DPH6: variants seen among roughly 807,000 people sequenced by gnomAD.
DPH6 encodes the protein diphthamine biosynthesis 6.
Under a neutral mutation model 38.2 loss-of-function variants are expected in DPH6, and 33 were observed. The ratio of observed to expected loss-of-function variants is 0.86; its 90% CI spans 0.65 to 1.15. The LOEUF (loss-of-function observed/expected upper bound fraction) is 1.15, where lower values mean the gene tolerates loss of function less well. Ranked by LOEUF, DPH6 falls within the 50% of genes most tolerant of loss-of-function variation. The pLI, the probability that DPH6 is intolerant of heterozygous loss-of-function variation, is 0.00. For missense variants in DPH6, 325 were observed against 320.0 expected (o/e 1.02, Z -0.12); for synonymous variants, 108 against 103.0 (o/e 1.05, Z -0.30).
At chr15:35,203,440 T>C in the DPH6 span, among the ~76,000 whole-genome samples, 5 of 151,834 alleles carry the variant, frequency 3.3e-5, no homozygotes, top group South Asian at 2.1e-4. Context: ...CCACGTTAAA[T>C]ATTCTCATTA....
chr15:35,207,475 T>C, the DPH6 span, among the ~76,000 whole-genome samples: 1 of 152,120 alleles, frequency 6.6e-6, no homozygotes, highest in African/African-American at 2.4e-5. Flanking sequence ...CTGGAAAGAG[T>C]ATAATGGCTT....
intron 7 of DPH6, among the ~76,000 whole-genome samples, chr15:35,376,208 C>T (rs897423481): frequency 6.6e-6 from 1 of 152,064 alleles, no homozygotes; most frequent in Non-Finnish European, 1.5e-5. Context: ...TCTACCCCAC[C>T]CTGAGCTCTG....
exon 4 of DPH6, chr15:35,219,156 T>C (rs906836767): frequency 6.6e-6 from 1 of 152,196 alleles, no homozygotes; most frequent in Non-Finnish European, 1.5e-5. Flanking sequence ...TAAAGCAGCA[T>C]CCTTTTATGT....
the DPH6 span, among the ~76,000 whole-genome samples, chr15:35,184,197 ACTGTGTTT>A: frequency 1.3e-5 from 2 of 152,210 alleles, no homozygotes; most frequent in African/African-American, 2.4e-5. Flanking sequence ...ATGTTTGTTT[ACTGTGTTT>A]CTGTAGATTC....
At chr15:35,325,011 CA>C (rs36022772) in intron 3 of DPH6, among the ~76,000 whole-genome samples, 1 of 151,986 alleles carries the variant, frequency 6.6e-6, no homozygotes, top group African/African-American at 2.4e-5. Flanking sequence ...TAGCCCAGTG[CA>C]AAAAATCACA....
intron 6 of DPH6, among the ~76,000 whole-genome samples, chr15:35,407,019 G>C (rs1260962990): frequency 1.3e-5 from 2 of 151,992 alleles, no homozygotes; most frequent in Non-Finnish European, 2.9e-5. Flanking sequence ...GAAGTACTCA[G>C]AAAGATTTCA....
At chr15:35,288,939 C>T (rs1224036929) in intron 3 of DPH6, among the ~76,000 whole-genome samples, 1 of 152,112 alleles carries the variant, frequency 6.6e-6, no homozygotes, top group African/African-American at 2.4e-5. Flanking sequence ...AGCTTTTTAA[C>T]AGGAAACTAC....
chr15:35,269,243 T>C (rs1332924049), intron 3 of DPH6, among the ~76,000 whole-genome samples: 2 of 152,216 alleles, frequency 1.3e-5, no homozygotes, highest in Admixed American at 6.5e-5. Context: ...ATTCCTTTTT[T>C]TCTTCTTCAC....
chr15:35,440,548 C>A (rs1705770484), intron 5 of DPH6, among the ~76,000 whole-genome samples: 1 of 152,164 alleles, frequency 6.6e-6, no homozygotes, highest in African/African-American at 2.4e-5. Flanking sequence ...AACAGTACCC[C>A]CTCTGTCAGC....
chr15:35,338,778 A>C (rs1246427040), intron 3 of DPH6, among the ~76,000 whole-genome samples: 3 of 152,232 alleles, frequency 2.0e-5, no homozygotes, highest in Non-Finnish European at 4.4e-5. Flanking sequence ...ACTTGGAACC[A>C]ACTCAAATGT....
chr15:35,497,924 G>A (rs114307770), intron 3 of DPH6, among the ~76,000 whole-genome samples: 3,693 of 152,162 alleles, frequency 0.024, 141 homozygotes, highest in African/African-American at 0.08. Context: ...ATAACAAACC[G>A]AAAGATTCCA....
chr15:35,195,978 G>A, the DPH6 span, among the ~76,000 whole-genome samples: 1 of 152,254 alleles, frequency 6.6e-6, no homozygotes, highest in African/African-American at 2.4e-5. Context: ...GCTGGTTGGA[G>A]GGTCACAGAT....
intron 3 of DPH6, among the ~76,000 whole-genome samples, chr15:35,305,003 C>A (rs2052078517): frequency 1.3e-5 from 2 of 152,090 alleles, no homozygotes. Context: ...ATTGTTTTCA[C>A]ATCTTCACAT....
intron 3 of DPH6, among the ~76,000 whole-genome samples, chr15:35,472,929 T>G (rs945155105): frequency 6.7e-6 from 1 of 149,224 alleles, no homozygotes; most frequent in Non-Finnish European, 1.5e-5. Flanking sequence ...AAAGATGTAG[T>G]AAATACATCA....
intron 1 of DPH6, among the ~76,000 whole-genome samples, chr15:35,545,117 A>T (rs2055325496): frequency 6.6e-6 from 1 of 152,244 alleles, no homozygotes; most frequent in Non-Finnish European, 1.5e-5. Flanking sequence ...AGTATCAATT[A>T]CCTAAGGGAC....
chr15:35,182,528 G>T, the DPH6 span, among the ~76,000 whole-genome samples: 1 of 151,734 alleles, frequency 6.6e-6, no homozygotes, highest in Non-Finnish European at 1.5e-5. Flanking sequence ...CTTACCCACC[G>T]ACAAAATTTT....
chr15:35,189,900 T>C, the DPH6 span, among the ~76,000 whole-genome samples: 3 of 152,172 alleles, frequency 2.0e-5, no homozygotes, highest in Admixed American at 2.0e-4. Flanking sequence ...GAAGCAGACA[T>C]TGTCTTGTAA....
downstream of DPH6, among the ~76,000 whole-genome samples, chr15:35,215,737 TTTTACCTGCA>T (rs1285796472): frequency 1.3e-5 from 2 of 152,190 alleles, no homozygotes; most frequent in Non-Finnish European, 1.5e-5. Context: ...GCGCTAGGCA[TTTTACCTGCA>T]TAATTTCATT....
At chr15:35,258,564 CAG>C (rs1404569213) in intron 3 of DPH6, among the ~76,000 whole-genome samples, 4 of 152,176 alleles carry the variant, frequency 2.6e-5, no homozygotes, top group Admixed American at 1.3e-4. Flanking sequence ...TCTTTAGTAA[CAG>C]AGCTAGGCTT....
Sources: gnomAD v4.1 joint callset for allele counts (sites outside exome capture counted in the v4.1 genomes callset) on GRCh38, gnomAD v4.1.1 for gene constraint, MANE v1.5 for transcripts, NCBI Gene and HGNC (gene_info 2026-07-23, HGNC 2026-07-21) for gene names.